The following CACNA2D1 variants were observed in gnomAD, a reference collection of about 807,000 sequenced individuals.
The protein encoded by CACNA2D1 is voltage-dependent calcium channel subunit alpha-2/delta-1.
A neutral mutation model predicts 171.5 loss-of-function variants in CACNA2D1; 53 were observed. The observed-to-expected ratio is 0.31, with a 90% CI of 0.25 to 0.39. The LOEUF is 0.39. Among genes scored for constraint, CACNA2D1 ranks in the 10% least tolerant of loss-of-function variants. The pLI is 1.00. For missense variants in CACNA2D1, 903 were observed against 1,299.8 expected, an observed-to-expected ratio of 0.69 and a Z score of 4.69; for synonymous variants, 442 against 443.1, an observed-to-expected ratio of 1.00 and a Z score of 0.03.
intron 12 of CACNA2D1, among the ~76,000 whole-genome samples, chr7:82,024,239 G>A (rs909640424): frequency 4.6e-5 from 7 of 151,314 alleles, no homozygotes; most frequent in Non-Finnish European, 8.9e-5. Context: ...ATTATTTTCC[G>A]TGGGTGCTGC....
intron 10 of CACNA2D1, among the ~76,000 whole-genome samples, chr7:82,041,816 C>T (rs1803993981): frequency 6.6e-6 from 1 of 152,122 alleles, no homozygotes; most frequent in Non-Finnish European, 1.5e-5. Context: ...TTTGCCAATA[C>T]ATTAATAGTA....
At chr7:82,221,214 A>G (rs1290037907) in intron 3 of CACNA2D1, among the ~76,000 whole-genome samples, 3 of 152,150 alleles carry the variant, frequency 2.0e-5, no homozygotes, top group African/African-American at 7.2e-5. Context: ...CACATGCATG[A>G]TTTGTACTCT....
At chr7:82,438,664 C>T (rs948430143) in intron 1 of CACNA2D1, among the ~76,000 whole-genome samples, 3 of 152,178 alleles carry the variant, frequency 2.0e-5, no homozygotes. Context: ...GCCTTGGGAA[C>T]AGTCGTGGTA....
chr7:82,275,981 C>T (rs1006357129), intron 3 of CACNA2D1, among the ~76,000 whole-genome samples: 9 of 152,058 alleles, frequency 5.9e-5, no homozygotes, highest in Middle Eastern at 3.2e-3. Context: ...ACATCTACAC[C>T]AAATAAGTTA....
chr7:82,265,416 C>CTTTTTTTTT lies in CACNA2D1; in HGVS notation c.294+69710_294+69718dup, dbSNP rs765047961. ...TATGCATATTAACAATTTTTCCTTTCTTTTTTTTTTTTTTTTTTTTTGGTG... is the reference window on the plus strand; with the variant it reads ...TATGCATATTAACAATTTTTCCTTTCTTTTTTTTTTTTTTTTTTTTTTTTTTTTTTGGTG... On this transcript the variant is annotated intron_variant, in intron 3 of 38. Coordinates refer to ENST00000356860, the MANE Select transcript of CACNA2D1 (RefSeq NM_000722.4). Among the ~76,000 whole-genome samples the CTTTTTTTTT allele has an allele frequency of 2.1e-3, 161 of 77,192 alleles. 1 individual carries two copies. Among genetic ancestry groups the CTTTTTTTTT allele is most frequent in the Middle Eastern group, 0.012 (1 of 84 alleles). 50.6% of individuals were successfully genotyped at this position (77,192 alleles called of 152,430 possible).
chr7:81,971,614 C>A (rs1042551420), intron 26 of CACNA2D1, among the ~76,000 whole-genome samples, 163 bp downstream of exon 26: 1 of 151,606 alleles, frequency 6.6e-6, no homozygotes, highest in African/African-American at 2.4e-5. Flanking sequence ...AAAACACCCA[C>A]AACTGAAAAT....
intron 10 of CACNA2D1, among the ~76,000 whole-genome samples, chr7:82,040,221 C>A (rs1434833879): frequency 6.6e-6 from 1 of 152,128 alleles, no homozygotes; most frequent in African/African-American, 2.4e-5. Context: ...CAGGAGGATG[C>A]ATAACAGAGC....
At chr7:82,438,978 G>C (rs1197961546) in intron 1 of CACNA2D1, among the ~76,000 whole-genome samples, 2 of 151,972 alleles carry the variant, frequency 1.3e-5, no homozygotes, top group Non-Finnish European at 2.9e-5. Flanking sequence ...ATACATATAA[G>C]ACATTAAATG....
chr7:81,973,370 T>G, intron 25 of CACNA2D1, among the ~76,000 whole-genome samples: 1 of 152,046 alleles, frequency 6.6e-6, no homozygotes, highest in Non-Finnish European at 1.5e-5. Flanking sequence ...CCATGACAGG[T>G]TTTCAGAGTG....
chr7:82,329,171 C>T (rs1816991329), intron 3 of CACNA2D1, among the ~76,000 whole-genome samples: 2 of 152,014 alleles, frequency 1.3e-5, no homozygotes, highest in South Asian at 4.1e-4. Flanking sequence ...TCTAGCACTT[C>T]CAGGAAAACA....
intron 7 of CACNA2D1, among the ~76,000 whole-genome samples, chr7:82,073,893 T>C (rs1202890024): frequency 6.6e-6 from 1 of 152,030 alleles, no homozygotes; most frequent in Non-Finnish European, 1.5e-5. Context: ...CAGCCCTCAC[T>C]CTCGGCCTGC....
At chr7:82,087,172 T>C (rs1317080409) in intron 6 of CACNA2D1, among the ~76,000 whole-genome samples, 2 of 152,184 alleles carry the variant, frequency 1.3e-5, no homozygotes, top group Non-Finnish European at 1.5e-5. Context: ...ATACCCAATG[T>C]GTAGTAAGAT....
intron 38 of CACNA2D1, 44 bp from the exon 39 acceptor site, chr7:81,950,552 A>G: frequency 6.4e-7 from 1 of 1,556,144 alleles, no homozygotes; most frequent in Non-Finnish European, 8.7e-7. Context: ...AGAAAAATCT[A>G]AAAATCTTGA....
intron 3 of CACNA2D1, among the ~76,000 whole-genome samples, chr7:82,236,248 T>C (rs1585181401): frequency 6.6e-6 from 1 of 152,104 alleles, no homozygotes; most frequent in Admixed American, 6.6e-5. Context: ...GGCCAAATGT[T>C]ATTTTCTGCA....
At chr7:82,155,394 C>T (rs936117337) in intron 4 of CACNA2D1, among the ~76,000 whole-genome samples, 8 of 151,894 alleles carry the variant, frequency 5.3e-5, no homozygotes, top group African/African-American at 1.9e-4. Context: ...AAGTATGTAC[C>T]AAAAAAGAAA....
intron 10 of CACNA2D1, among the ~76,000 whole-genome samples, chr7:82,040,402 T>G (rs1391140694): frequency 8.4e-6 from 1 of 119,178 alleles, no homozygotes; most frequent in Non-Finnish European, 1.7e-5. Flanking sequence ...CAAGAAATGA[T>G]AACATTTAAA....
chr7:82,355,316 C>T (rs1820298712), intron 1 of CACNA2D1, among the ~76,000 whole-genome samples: 1 of 152,062 alleles, frequency 6.6e-6, no homozygotes, highest in Admixed American at 6.6e-5. Flanking sequence ...GTATAATAGA[C>T]CTTGACTAAT....
At chr7:82,077,092 G>T (rs907684124) in intron 7 of CACNA2D1, among the ~76,000 whole-genome samples, 12 of 152,096 alleles carry the variant, frequency 7.9e-5, no homozygotes, top group African/African-American at 2.9e-4. Context: ...AATTTAAGAT[G>T]TATTTAATTT....
intron 5 of CACNA2D1, among the ~76,000 whole-genome samples, chr7:82,135,680 T>A (rs1462440114): frequency 6.6e-6 from 1 of 152,164 alleles, no homozygotes; most frequent in African/African-American, 2.4e-5. Flanking sequence ...TCTCATTTTT[T>A]AAGACCAGAT....
Sources: allele counts gnomAD v4.1 joint callset (sites outside exome capture counted in the v4.1 genomes callset), GRCh38; gene constraint gnomAD v4.1.1; transcripts MANE v1.5; gene names NCBI Gene and HGNC (gene_info 2026-07-23, HGNC 2026-07-21).